The following ADPGK variants were observed in gnomAD, a reference collection of about 807,000 sequenced individuals.
ADPGK encodes ADP dependent glucokinase.
In ADPGK, 26 loss-of-function variants were observed where a neutral mutation model predicts 42.4. That is an observed-to-expected ratio of 0.61 (90% CI 0.45 to 0.85). The LOEUF (loss-of-function observed/expected upper bound fraction) is 0.85. Among genes scored for constraint, ADPGK ranks in the 40% least tolerant of loss-of-function variants. ADPGK has a pLI of 0.00. For synonymous variants in ADPGK, 267 were observed against 252.6 expected (o/e 1.06, Z -0.54); for missense variants, 571 against 627.0 (o/e 0.91, Z 0.95).
intron 3 of ADPGK, among the ~76,000 whole-genome samples, chr15:72,762,852 C>T (rs971668596): frequency 6.6e-6 from 1 of 152,076 alleles, no homozygotes; most frequent in Non-Finnish European, 1.5e-5. Flanking sequence ...GGCGTGGTGG[C>T]ACACACCTGT....
At chr15:72,765,639 T>C (rs912213431) in intron 3 of ADPGK, among the ~76,000 whole-genome samples, 1 of 152,216 alleles carries the variant, frequency 6.6e-6, no homozygotes, top group Admixed American at 6.5e-5. Context: ...AACAGGAGTT[T>C]CAAAGAGATT....
intron 6 of ADPGK, among the ~76,000 whole-genome samples, chr15:72,754,760 C>T (rs2066090274): frequency 6.6e-6 from 1 of 152,042 alleles, no homozygotes; most frequent in East Asian, 1.9e-4. Flanking sequence ...GGAAGATCTC[C>T]AAGATATATT....
chr15:72,755,079 T>C (rs1407507969), intron 6 of ADPGK, among the ~76,000 whole-genome samples: 3 of 152,184 alleles, frequency 2.0e-5, no homozygotes, highest in African/African-American at 7.2e-5. Flanking sequence ...AGCCCGTGAG[T>C]GCAAGGCTGG....
At chr15:72,761,524 C>T (rs2066192812) in intron 3 of ADPGK, among the ~76,000 whole-genome samples, 1 of 152,170 alleles carries the variant, frequency 6.6e-6, no homozygotes, top group Non-Finnish European at 1.5e-5. Flanking sequence ...CAGAGCCTCC[C>T]TCTGGCTATT....
intron 4 of ADPGK, 69 bp downstream of exon 4, chr15:72,760,338 T>A: frequency 6.8e-7 from 1 of 1,475,342 alleles, no homozygotes; most frequent in Non-Finnish European, 9.1e-7. Context: ...TCCGGCACAG[T>A]CACACCCCAA....
chr15:72,752,821 T>C lies in ADPGK; in HGVS notation c.1014A>G (p.Gly338=). 1 of 1,614,112 alleles carries C rather than the reference T, an allele frequency of 6.2e-7. No homozygotes were observed. Among genetic ancestry groups the C allele is most frequent in the Non-Finnish European group, 8.5e-7 (1 of 1,180,018 alleles). The part of the protein sequence containing the change: ...ELLFLTQSAS[G]PHSSLSSWNG... ...TCCAGGAAGAGAGAGAAGAGTGAGG[T>C]CCAGAGGCTGACTGGGTGAGAAATA... The change falls in exon 7 of 7, where the codon GGA becomes GGG. Residue 338 remains glycine, a synonymous_variant. Transcript: ENST00000456471.
rs2066102050 is a variant in ADPGK at position 72,755,634 on chromosome 15, G to A, written c.861C>T (p.Asp287=). Residue 287 remains aspartate, a synonymous_variant, in exon 6 of 7, where the codon GAC becomes GAT. Coordinates refer to ENST00000456471, the MANE Select transcript of ADPGK (RefSeq NM_001365225.1). ...RLLEVVTSIS[D]IPTGIPVHLE... ...GGTGAACTGGAATACCAGTGGGGAT[G>A]TCAGAAATGGAGGTTACAACCTGCA... The A allele has an allele frequency of 3.1e-6, 5 of 1,613,732 alleles. No individual in the cohort carries two copies. Among genetic ancestry groups the A allele is most frequent in the Admixed American group, 3.3e-5 (2 of 59,994 alleles).
chr15:72,755,882 T>A, intron 5 of ADPGK: 3 of 658,434 alleles, frequency 4.6e-6, no homozygotes, highest in South Asian at 3.0e-5. Context: ...GAATCAGAGA[T>A]GGCAGTTCAC....
At chr15:72,757,164 T>C (rs1215792589) in intron 4 of ADPGK, 1 of 152,272 alleles carries the variant, frequency 6.6e-6, no homozygotes, top group Non-Finnish European at 1.5e-5. Flanking sequence ...AATACAGGAC[T>C]GAGGCACATG....
At chr15:72,759,825 A>G (rs1224012018) in intron 4 of ADPGK, among the ~76,000 whole-genome samples, 1 of 152,226 alleles carries the variant, frequency 6.6e-6, no homozygotes, top group Non-Finnish European at 1.5e-5. Context: ...GTAACATATA[A>G]AATCTGCTGG....
chr15:72,766,004 A>G (rs1479316371), intron 3 of ADPGK, among the ~76,000 whole-genome samples: 1 of 152,172 alleles, frequency 6.6e-6, no homozygotes, highest in Non-Finnish European at 1.5e-5. Context: ...ATTTTTAGAG[A>G]TAGGAATTTG....
intron 2 of ADPGK, 114 bp downstream of exon 2, chr15:72,774,758 T>C: frequency 2.3e-6 from 2 of 873,730 alleles, no homozygotes; most frequent in Non-Finnish European, 1.8e-6. Context: ...CCAGGGGTGA[T>C]TTTGCTCCCC....
intron 3 of ADPGK, among the ~76,000 whole-genome samples, chr15:72,766,542 C>G (rs1170456925): frequency 6.6e-6 from 1 of 152,164 alleles, no homozygotes; most frequent in Non-Finnish European, 1.5e-5. Flanking sequence ...ACCAAGCACT[C>G]TAAAATTGTG....
chr15:72,754,948 G>C lies in ADPGK; in HGVS notation c.939+608C>G, dbSNP rs529650901. ...AAGTAGGGAAGGGGAGGAAGTAGAA[G>C]GGAGACTTCATTGTATATCTTTTCA... On this transcript the variant is annotated intron_variant, in intron 6 of 6. Transcript: ENST00000456471. Among the ~76,000 whole-genome samples the C allele has an allele frequency of 1.1e-4, 17 of 152,278 alleles. No homozygotes were observed. The East Asian group carries it at 3.1e-3, about 28-fold the overall frequency.
intron 3 of ADPGK, among the ~76,000 whole-genome samples, chr15:72,770,304 T>C (rs2066313187): frequency 6.6e-6 from 1 of 152,228 alleles, no homozygotes; most frequent in African/African-American, 2.4e-5. Context: ...TTTATTAGAA[T>C]GCCTTCCAAT....
chr15:72,760,571 TC>T (rs756479090), intron 3 of ADPGK, 44 bp from the exon 4 acceptor site: 1 of 1,571,194 alleles, frequency 6.4e-7, no homozygotes, highest in Admixed American at 1.7e-5. Flanking sequence ...CCCGTTCCTT[TC>T]CCCACAGAAC....
chr15:72,771,688 A>G (rs528273031), intron 3 of ADPGK, 95 bp downstream of exon 3: 63 of 1,175,140 alleles, frequency 5.4e-5, no homozygotes, highest in Non-Finnish European at 7.3e-5. Context: ...TAGGTGATCC[A>G]TAAGTTGAAT....
intron 5 of ADPGK, 54 bp downstream of exon 5, chr15:72,756,197 A>G (rs1350604138): frequency 6.2e-7 from 1 of 1,602,086 alleles, no homozygotes; most frequent in South Asian, 1.1e-5. Flanking sequence ...AGAGGCTGGA[A>G]CCTGAAGAAA....
In ADPGK at chr15:72,752,559, A is replaced by C. The variant is rs756574981; in HGVS notation, c.1276T>G (p.Ser426Ala). ...ATETIDTSRV[S>A]LRAPQEFMTS... ...ATGAACTCTTGGGGTGCCCTCAGAG[A>C]CACTCGGCTGGTGTCTATGGTTTCT... Residue 426 changes from serine to alanine, a missense_variant, in exon 7 of 7, where the codon TCT (serine) becomes GCT (alanine). Physicochemically the swap from Ser to Ala is moderately conservative, Grantham distance 99. Transcript: ENST00000456471. 1.2e-6 allele frequency: 2 copies of C among 1,614,142 alleles called. No homozygotes were observed. The highest frequency in any genetic ancestry group is 2.2e-5 in the South Asian group (2 of 91,072).
Sources: gnomAD v4.1 joint callset for allele counts (sites outside exome capture counted in the v4.1 genomes callset) on GRCh38, gnomAD v4.1.1 for gene constraint, MANE v1.5 for transcripts, NCBI Gene and HGNC (gene_info 2026-07-23, HGNC 2026-07-21) for gene names.